Variants in DCAF6 observed in about 807,000 individuals in gnomAD.
DCAF6 encodes the protein DDB1 and CUL4 associated factor 6.
A neutral mutation model predicts 125.1 loss-of-function variants in DCAF6; 54 were observed. That is an observed-to-expected ratio of 0.43 (90% CI 0.35 to 0.54). DCAF6 has a LOEUF of 0.54. Among genes scored for constraint, DCAF6 ranks in the 20% least tolerant of loss-of-function variants. The pLI is 0.01. For synonymous variants in DCAF6, 371 were observed against 390.4 expected, an observed-to-expected ratio of 0.95 and a Z score of 0.58; for missense variants, 934 against 1,161.7, an observed-to-expected ratio of 0.80 and a Z score of 2.85.
At chr1:168,012,170 A>G (rs1557975618) in intron 10 of DCAF6, among the ~76,000 whole-genome samples, 1 of 152,214 alleles carries the variant, frequency 6.6e-6, no homozygotes, top group Non-Finnish European at 1.5e-5. Context: ...GCAGGCAGAT[A>G]AAGTGCCACC....
At chr1:168,046,214 A>T (rs537385085) in intron 16 of DCAF6, among the ~76,000 whole-genome samples, 2 of 152,136 alleles carry the variant, frequency 1.3e-5, no homozygotes, top group Non-Finnish European at 2.9e-5. Flanking sequence ...TAGGGTTATG[A>T]TTATCTAAAA....
At chr1:167,972,378 A>G (rs901761093) in intron 3 of DCAF6, among the ~76,000 whole-genome samples, 1 of 152,262 alleles carries the variant, frequency 6.6e-6, no homozygotes, top group Non-Finnish European at 1.5e-5. Flanking sequence ...AGAGTGGTAC[A>G]AAATGAAGTT....
At chr1:167,934,846 A>G (rs1219494516), upstream of DCAF6, among the ~76,000 whole-genome samples, 1 of 152,202 alleles carries the variant, frequency 6.6e-6, no homozygotes, top group Admixed American at 6.5e-5. Flanking sequence ...CCCCTAGCAA[A>G]TAAGTATTAT....
At chr1:167,865,819 C>T in the DCAF6 span, among the ~76,000 whole-genome samples, 1 of 152,142 alleles carries the variant, frequency 6.6e-6, no homozygotes, top group African/African-American at 2.4e-5. Flanking sequence ...GGCCAGAGGC[C>T]CTCATTGTCC....
chr1:167,924,635 T>C, the DCAF6 span: 1 of 876,690 alleles, frequency 1.1e-6, no homozygotes, highest in Non-Finnish European at 1.7e-6. Flanking sequence ...AAAGGATTTA[T>C]CAACCTATTT....
the DCAF6 span, among the ~76,000 whole-genome samples, chr1:167,886,804 G>A: frequency 6.6e-6 from 1 of 152,152 alleles, no homozygotes; most frequent in Non-Finnish European, 1.5e-5. Flanking sequence ...ATCTGACAAA[G>A]GGCTAATATC....
At chr1:168,032,692 A>G (rs1687258537) in intron 12 of DCAF6, among the ~76,000 whole-genome samples, 1 of 152,228 alleles carries the variant, frequency 6.6e-6, no homozygotes, top group African/African-American at 2.4e-5. Flanking sequence ...ATACAATAGA[A>G]AACTCATTAG....
At chr1:167,923,802 T>C in the DCAF6 span, among the ~76,000 whole-genome samples, 1 of 152,102 alleles carries the variant, frequency 6.6e-6, no homozygotes, top group Non-Finnish European at 1.5e-5. Context: ...ACTCCACATC[T>C]AGAGTTTCAG....
chr1:167,888,897 GAA>G, the DCAF6 span, among the ~76,000 whole-genome samples: 1 of 126,288 alleles, frequency 7.9e-6, no homozygotes, highest in African/African-American at 2.9e-5. Flanking sequence ...AAAAGAAAAA[GAA>G]AGAAAAAGAA....
the DCAF6 span, chr1:167,878,516 G>A: frequency 1.6e-5 from 26 of 1,614,098 alleles, no homozygotes; most frequent in South Asian, 2.7e-4. Flanking sequence ...ACTTTCTTTG[G>A]AAGCTCTTTA....
chr1:167,885,989 A>G, the DCAF6 span, among the ~76,000 whole-genome samples: 1 of 152,180 alleles, frequency 6.6e-6, no homozygotes, highest in African/African-American at 2.4e-5. Flanking sequence ...CTTCTTATAT[A>G]GGGATGTGAA....
At chr1:167,957,989 G>C (rs1403409174) in intron 2 of DCAF6, among the ~76,000 whole-genome samples, 1 of 152,010 alleles carries the variant, frequency 6.6e-6, no homozygotes, top group Non-Finnish European at 1.5e-5. Context: ...TAATTGGATT[G>C]TTTGTCTTTT....
chr1:167,996,568 T>C (rs1681733570), intron 7 of DCAF6, among the ~76,000 whole-genome samples: 1 of 152,204 alleles, frequency 6.6e-6, no homozygotes, highest in Non-Finnish European at 1.5e-5. Context: ...TTCAAAGTGA[T>C]CCTTAGAAAC....
chr1:168,075,119 C>T (rs1693655710), intron 21 of DCAF6, among the ~76,000 whole-genome samples: 1 of 152,214 alleles, frequency 6.6e-6, no homozygotes, highest in Non-Finnish European at 1.5e-5. Flanking sequence ...TTGACAACCA[C>T]TGCAGTAGAA....
intron 10 of DCAF6, among the ~76,000 whole-genome samples, chr1:168,008,462 A>G (rs779259755): frequency 3.4e-4 from 52 of 152,118 alleles, no homozygotes; most frequent in Non-Finnish European, 6.6e-4. Context: ...TATCTAAACT[A>G]TAACCTGGGT....
rs562251630 is a variant in DCAF6 at position 168,056,122 on chromosome 1, C to G, written c.2300+5189C>G. 361 of 1,594,890 alleles carry G rather than the reference C, an allele frequency of 2.3e-4. No individual in the cohort carries two copies. In the South Asian group the frequency reaches 3.8e-3, roughly 17 times the overall value. ...GCAGCTTTCACACTTTCCAAAGCAC[C>G]AAACTCATCTTGTTTGTTCAATTTT... On this transcript the variant is annotated intron_variant, in intron 17 of 21. Transcript: ENST00000367840.
chr1:168,009,317 C>T (rs551358246), intron 10 of DCAF6, among the ~76,000 whole-genome samples: 2 of 149,890 alleles, frequency 1.3e-5, no homozygotes, highest in African/African-American at 4.9e-5. Flanking sequence ...TCTTTCTCTT[C>T]TCTTCTCTTC....
chr1:167,975,936 T>C (rs969610082), intron 4 of DCAF6, among the ~76,000 whole-genome samples: 1 of 152,200 alleles, frequency 6.6e-6, no homozygotes, highest in Non-Finnish European at 1.5e-5. Flanking sequence ...GTTAAACTGG[T>C]ATACTTTTTC....
chr1:168,032,994 A>G lies in DCAF6; in HGVS notation c.1610-5377A>G, dbSNP rs180701971. Among the ~76,000 whole-genome samples the G allele has an allele frequency of 7.9e-5, 12 of 151,798 alleles. No homozygotes were observed. The East Asian group carries it at 2.1e-3, about 27-fold the overall frequency. On this transcript the variant is annotated intron_variant, in intron 12 of 21. Coordinates refer to ENST00000367840, the MANE Select transcript of DCAF6 (RefSeq NM_001198956.2). ...CCAACATTTTGAACAGTATTTAAAT[A>G]TATAAAATACTCAGCATTTTTTTTT...
Sources: allele counts gnomAD v4.1 joint callset (sites outside exome capture counted in the v4.1 genomes callset), GRCh38; gene constraint gnomAD v4.1.1; transcripts MANE v1.5; gene names NCBI Gene and HGNC (gene_info 2026-07-23, HGNC 2026-07-21).